The following RALYL variants were observed in gnomAD, a reference collection of about 807,000 sequenced individuals.
The protein encoded by RALYL is RALY RNA binding protein like.
Under a neutral mutation model 35.1 loss-of-function variants are expected in RALYL, and 29 were observed. That is an observed-to-expected ratio of 0.83 (90% CI 0.61 to 1.13). RALYL has a LOEUF of 1.13. Ranked by LOEUF, RALYL falls within the 50% of genes most tolerant of loss-of-function variation. RALYL has a pLI of 0.00. For synonymous variants in RALYL, 120 were observed against 127.6 expected, an observed-to-expected ratio of 0.94 and a Z score of 0.40; for missense variants, 359 against 360.4, an observed-to-expected ratio of 1.00 and a Z score of 0.03.
chr8:84,228,154 C>CAA (rs57543989), intron 1 of RALYL, among the ~76,000 whole-genome samples: 8 of 123,786 alleles, frequency 6.5e-5, no homozygotes, highest in East Asian at 2.3e-4. Flanking sequence ...AATAGTCTAG[C>CAA]AAAAAAAAAA....
intron 1 of RALYL, among the ~76,000 whole-genome samples, chr8:84,359,349 T>C (rs1253817026): frequency 2.6e-5 from 4 of 151,916 alleles, no homozygotes; most frequent in Non-Finnish European, 5.9e-5. Flanking sequence ...CATCTATCCT[T>C]GTGAAGTGAC....
intron 2 of RALYL, among the ~76,000 whole-genome samples, chr8:84,565,372 T>C (rs568991701): frequency 6.6e-5 from 10 of 151,736 alleles, no homozygotes; most frequent in African/African-American, 1.7e-4. Context: ...ATTTAACTTA[T>C]GTAGCATCTA....
intron 2 of RALYL, among the ~76,000 whole-genome samples, chr8:84,620,514 T>C (rs1345790473): frequency 6.6e-6 from 1 of 152,138 alleles, no homozygotes; most frequent in Non-Finnish European, 1.5e-5. Flanking sequence ...TTTCAAAGTT[T>C]TCAACTTCTT....
chr8:84,611,512 G>T (rs902274193), intron 2 of RALYL, among the ~76,000 whole-genome samples: 3 of 151,978 alleles, frequency 2.0e-5, no homozygotes, highest in Non-Finnish European at 1.5e-5. Flanking sequence ...AGATATGCGG[G>T]TGTGTGTTCA....
At chr8:84,511,669 A>G (rs1011283370) in intron 1 of RALYL, among the ~76,000 whole-genome samples, 1 of 152,150 alleles carries the variant, frequency 6.6e-6, no homozygotes, top group African/African-American at 2.4e-5. Flanking sequence ...GTATGCTTGT[A>G]TCCAGTGAAC....
Position 84,472,861 on chromosome 8 carries a change from C to T in RALYL, c.-23-56438C>T, listed in dbSNP as rs143550883. Among the ~76,000 whole-genome samples the T allele has an allele frequency of 5.3e-3, 806 of 152,208 alleles. 3 individuals are homozygous for T. The highest frequency in any genetic ancestry group is 0.017 in the African/African-American group (715 of 41,556). On this transcript the variant is annotated intron_variant, in intron 1 of 8. Transcript: ENST00000521268. ...ATTTTCTTCAGGAAATGGCTCTATG[C>T]GGACTGCCTGCTAGCTTACTCCCAT...
intron 1 of RALYL, among the ~76,000 whole-genome samples, chr8:84,485,328 C>T (rs755822881): frequency 2.6e-5 from 4 of 152,120 alleles, no homozygotes; most frequent in Non-Finnish European, 5.9e-5. Context: ...GTGGCTCACG[C>T]CTTTAATCCC....
chr8:84,523,002 C>T (rs2058582556), intron 1 of RALYL, among the ~76,000 whole-genome samples: 1 of 152,222 alleles, frequency 6.6e-6, no homozygotes, highest in Non-Finnish European at 1.5e-5. Context: ...GGAGCAAAGG[C>T]ACATCTTACA....
chr8:84,321,269 T>C (rs1221191012), intron 1 of RALYL, among the ~76,000 whole-genome samples: 1 of 152,090 alleles, frequency 6.6e-6, no homozygotes, highest in Non-Finnish European at 1.5e-5. Context: ...GACTTTACCA[T>C]AACAAAAAGC....
At chr8:84,858,782 A>G (rs1255410735) in intron 5 of RALYL, among the ~76,000 whole-genome samples, 1 of 152,074 alleles carries the variant, frequency 6.6e-6, no homozygotes, top group Non-Finnish European at 1.5e-5. Flanking sequence ...CCATCTTGCA[A>G]TCGCAGAAAG....
intron 2 of RALYL, among the ~76,000 whole-genome samples, chr8:84,578,133 A>G (rs958934615): frequency 3.3e-5 from 5 of 152,206 alleles, no homozygotes; most frequent in African/African-American, 1.2e-4. Context: ...TAAGTGAGTG[A>G]GCAAAAGGTC....
chr8:84,197,544 A>G (rs1815624858), intron 1 of RALYL, among the ~76,000 whole-genome samples: 1 of 152,226 alleles, frequency 6.6e-6, no homozygotes, highest in Non-Finnish European at 1.5e-5. Flanking sequence ...AGCATGTATC[A>G]GGTGTTGTCC....
At chr8:84,209,125 CAAAAAAAAAAAA>C (rs60246316) in intron 1 of RALYL, among the ~76,000 whole-genome samples, 1 of 97,536 alleles carries the variant, frequency 1.0e-5, no homozygotes, top group Non-Finnish European at 2.0e-5. Context: ...ACTCCTCCAC[CAAAAAAAAAAAA>C]AAAAAAAGAA....
intron 2 of RALYL, among the ~76,000 whole-genome samples, chr8:84,550,685 T>G (rs1206289877): frequency 6.6e-6 from 1 of 151,846 alleles, no homozygotes; most frequent in Non-Finnish European, 1.5e-5. Context: ...TAGAAACTTA[T>G]GACAGTCTAT....
At chr8:84,336,980 T>C (rs1847918563) in intron 1 of RALYL, among the ~76,000 whole-genome samples, 1 of 142,574 alleles carries the variant, frequency 7.0e-6, no homozygotes, top group African/African-American at 2.5e-5. Flanking sequence ...ACTACTAGTG[T>C]TTGTATTCAT....
intron 1 of RALYL, among the ~76,000 whole-genome samples, chr8:84,487,170 A>C (rs1475540910): frequency 6.6e-6 from 1 of 152,118 alleles, no homozygotes; most frequent in Admixed American, 6.6e-5. Context: ...AAAACATGAC[A>C]GTTTGAAACT....
chr8:84,539,127 A>G (rs952923303), intron 2 of RALYL, among the ~76,000 whole-genome samples: 21 of 152,278 alleles, frequency 1.4e-4, no homozygotes, highest in Middle Eastern at 3.4e-3. Context: ...CACGATTCCT[A>G]TGTTAGAATC....
At chr8:84,430,489 G>T (rs1464475180) in intron 1 of RALYL, among the ~76,000 whole-genome samples, 1 of 152,094 alleles carries the variant, frequency 6.6e-6, no homozygotes, top group Non-Finnish European at 1.5e-5. Flanking sequence ...GTGGCAATGT[G>T]CAAAGGACTA....
intron 1 of RALYL, among the ~76,000 whole-genome samples, chr8:84,450,967 C>T (rs2049406290): frequency 1.3e-5 from 2 of 151,976 alleles, no homozygotes; most frequent in South Asian, 4.1e-4. Context: ...TCCCAATGCT[C>T]AGGAGCTGCA....
Sources: allele counts gnomAD v4.1 joint callset (sites outside exome capture counted in the v4.1 genomes callset), GRCh38; gene constraint gnomAD v4.1.1; transcripts MANE v1.5; gene names NCBI Gene and HGNC (gene_info 2026-07-23, HGNC 2026-07-21).